Variants in HPF1 observed in about 807,000 individuals in gnomAD.
HPF1 encodes histone PARylation factor 1, also known as UPF0609 protein C4orf27.
Under a neutral mutation model 38.8 loss-of-function variants are expected in HPF1, and 35 were observed. The ratio of observed to expected loss-of-function variants is 0.90; its 90% CI spans 0.69 to 1.19. HPF1 has a LOEUF of 1.19. Ranked by LOEUF, HPF1 falls within the 50% of genes most tolerant of loss-of-function variation. The pLI, the probability that HPF1 is intolerant of heterozygous loss-of-function variation, is 0.00. For missense variants in HPF1, 367 were observed against 405.8 expected, an observed-to-expected ratio of 0.90 and a Z score of 0.82; for synonymous variants, 115 against 139.2, an observed-to-expected ratio of 0.83 and a Z score of 1.22.
intron 6 of HPF1, among the ~76,000 whole-genome samples, chr4:169,734,544 A>C (rs779061303): frequency 5.9e-5 from 9 of 152,220 alleles, no homozygotes; most frequent in Non-Finnish European, 1.2e-4. Context: ...AGTACAAGGA[A>C]AAATATGTTC....
At chr4:169,737,252 T>G (rs1461217025) in intron 6 of HPF1, among the ~76,000 whole-genome samples, 18 of 135,608 alleles carry the variant, frequency 1.3e-4, no homozygotes, top group African/African-American at 4.7e-4. Flanking sequence ...ATTGCGCCAC[T>G]GCACTCCAGC....
At chr4:169,745,645 T>C (rs1427664966) in intron 4 of HPF1, among the ~76,000 whole-genome samples, 2 of 152,180 alleles carry the variant, frequency 1.3e-5, no homozygotes, top group Admixed American at 1.3e-4. Flanking sequence ...AACTCAATGG[T>C]AGACATCTAA....
At chr4:169,736,332 C>G (rs1291811839) in intron 6 of HPF1, among the ~76,000 whole-genome samples, 1 of 148,294 alleles carries the variant, frequency 6.7e-6, no homozygotes, top group Non-Finnish European at 1.5e-5. Context: ...TGCGCTCCGT[C>G]CTGGGTGACA....
intron 2 of HPF1, among the ~76,000 whole-genome samples, chr4:169,753,282 C>T (rs1465003625): frequency 6.6e-6 from 1 of 152,026 alleles, no homozygotes; most frequent in East Asian, 1.9e-4. Flanking sequence ...GATCTGCCTG[C>T]CTCAGCCTCC....
At chr4:169,754,298 C>T (rs1056824102) in intron 1 of HPF1, among the ~76,000 whole-genome samples, 2 of 152,140 alleles carry the variant, frequency 1.3e-5, no homozygotes, top group Admixed American at 6.5e-5. Flanking sequence ...CTATTCACTA[C>T]AATCATTACC....
At chr4:169,730,649 G>A (rs577889027) in intron 7 of HPF1, among the ~76,000 whole-genome samples, 11 of 152,288 alleles carry the variant, frequency 7.2e-5, no homozygotes, top group East Asian at 3.9e-4. Context: ...GCCAGTGAGC[G>A]TTTGGACAAG....
In HPF1 at chr4:169,741,972, T is replaced by C; in HGVS notation, c.633A>G (p.Lys211=). ...YSLEQRTVKM[K]QRDKKVVTKT... is the part of the protein sequence containing the mutation. ...GAAATCATACTTTCTTATCTCTCTGTTTCATCTTCACGGTTCTCTGTTCAA... is the reference window on the plus strand; with the variant it reads ...GAAATCATACTTTCTTATCTCTCTGCTTCATCTTCACGGTTCTCTGTTCAA... The change falls in exon 5 of 8, where the codon AAA becomes AAG. Residue 211 remains lysine (K), a synonymous_variant. Coordinates refer to ENST00000393381, the MANE Select transcript of HPF1 (RefSeq NM_017867.3). The C allele has an allele frequency of 6.2e-7, 1 of 1,613,066 alleles. No homozygotes were observed. The highest frequency in any genetic ancestry group is 8.5e-7 in the Non-Finnish European group (1 of 1,179,662).
chr4:169,733,552 G>C (rs1455587597), intron 6 of HPF1, among the ~76,000 whole-genome samples: 1 of 152,120 alleles, frequency 6.6e-6, no homozygotes, highest in East Asian at 1.9e-4. Context: ...CTATGTATGA[G>C]GCACAACGTT....
chr4:169,754,484 A>G (rs1245309449), intron 1 of HPF1, among the ~76,000 whole-genome samples: 1 of 152,148 alleles, frequency 6.6e-6, no homozygotes, highest in Admixed American at 6.5e-5. Flanking sequence ...TATAATACTC[A>G]TCTCTAGGAC....
chr4:169,744,064 G>T (rs1394542346), intron 4 of HPF1, among the ~76,000 whole-genome samples: 1 of 152,172 alleles, frequency 6.6e-6, no homozygotes, highest in Non-Finnish European at 1.5e-5. Flanking sequence ...CCAGCTGTAT[G>T]TCTAGAGGGT....
chr4:169,743,429 T>TTTTTTTTTTTTTA (rs1734005601), intron 4 of HPF1, among the ~76,000 whole-genome samples: 1 of 147,442 alleles, frequency 6.8e-6, no homozygotes, highest in African/African-American at 2.5e-5. Context: ...TTTTTTTTTT[T>TTTTTTTTTTTTTA]TTTTTCATTT....
Position 169,731,863 on chromosome 4 carries a change from T to A in HPF1, c.750A>T (p.Arg250Ser). Residue 250 changes from arginine to serine, a missense_variant, in exon 7 of 8, where the codon AGA becomes AGT. Transcript: ENST00000393381. ...CAGCCTCAACTATTGTCTTGCAAATTCTCTTGAGGTCAGCTGAAAGAAATC... is the reference window on the plus strand; with the variant it reads ...CAGCCTCAACTATTGTCTTGCAAATACTCTTGAGGTCAGCTGAAAGAAATC... ...ELPETDADLKRICKTIVEAAS... is the reference protein window; with the variant it reads ...ELPETDADLKSICKTIVEAAS... 1 of 1,612,350 alleles carries A rather than the reference T, an allele frequency of 6.2e-7. No individual in the cohort carries two copies. Among genetic ancestry groups the A allele is most frequent in the Non-Finnish European group, 8.5e-7 (1 of 1,178,560 alleles).
At chr4:169,730,204 G>C (rs566443045) in intron 7 of HPF1, among the ~76,000 whole-genome samples, 12 of 152,282 alleles carry the variant, frequency 7.9e-5, no homozygotes, top group African/African-American at 2.4e-4. Flanking sequence ...AAAGATTTGA[G>C]ATTACTGCTA....
intron 6 of HPF1, 48 bp from the exon 7 acceptor site, chr4:169,731,924 G>T (rs1404481391): frequency 7.0e-7 from 1 of 1,434,620 alleles, no homozygotes; most frequent in Non-Finnish European, 9.7e-7. Flanking sequence ...GTTAGAAAAT[G>T]AATCAGTCTT....
intron 6 of HPF1, among the ~76,000 whole-genome samples, chr4:169,733,497 A>G (rs6854083): frequency 0.083 from 12,597 of 152,246 alleles, 736 homozygotes; most frequent in African/African-American, 0.17. Flanking sequence ...AAGACTGGTT[A>G]AAACATTAAC....
intron 6 of HPF1, among the ~76,000 whole-genome samples, chr4:169,733,647 A>G (rs1733857833): frequency 6.6e-6 from 1 of 152,036 alleles, no homozygotes; most frequent in Non-Finnish European, 1.5e-5. Flanking sequence ...TCCTAGTGGG[A>G]GGATTTGGGA....
chr4:169,753,531 T>C, intron 2 of HPF1, 145 bp downstream of exon 2: 1 of 674,774 alleles, frequency 1.5e-6, no homozygotes, highest in Non-Finnish European at 2.6e-6. Context: ...GGTCTCACTA[T>C]GTTGACCAGG....
At chr4:169,753,333 C>T (rs2150293741) in intron 2 of HPF1, among the ~76,000 whole-genome samples, 1 of 151,338 alleles carries the variant, frequency 6.6e-6, no homozygotes, top group Admixed American at 6.6e-5. Flanking sequence ...CATGCCTGGC[C>T]AATTATTCTA....
At chr4:169,749,834 C>A (rs546642173) in intron 3 of HPF1, among the ~76,000 whole-genome samples, 1 of 151,820 alleles carries the variant, frequency 6.6e-6, no homozygotes, top group Non-Finnish European at 1.5e-5. Flanking sequence ...AAACAAATAC[C>A]GAGAGGTTAA....
Sources: allele counts gnomAD v4.1 joint callset (sites outside exome capture counted in the v4.1 genomes callset), GRCh38; gene constraint gnomAD v4.1.1; transcripts MANE v1.5; gene names NCBI Gene and HGNC (gene_info 2026-07-23, HGNC 2026-07-21).